Variants in NOC2L observed in about 807,000 individuals in gnomAD.
NOC2L encodes the protein nucleolar complex protein 2 homolog.
Under a neutral mutation model 94.2 loss-of-function variants are expected in NOC2L, and 101 were observed. That is an observed-to-expected ratio of 1.07 (90% CI 0.91 to 1.26). NOC2L has a LOEUF of 1.26. Ranked by LOEUF, NOC2L falls within the 50% of genes most tolerant of loss-of-function variation. NOC2L has a pLI of 0.00. For synonymous variants in NOC2L, 531 were observed against 413.4 expected (o/e 1.28, Z -3.45); for missense variants, 1,076 against 980.1 (o/e 1.10, Z -1.31).
In NOC2L at chr1:944,841, A is replaced by T. The variant is rs1253401600; in HGVS notation, c.2144-41T>A. The T allele has an allele frequency of 4.2e-6, 6 of 1,425,858 alleles. No individual in the cohort carries two copies. The East Asian group carries it at 9.3e-5, about 22-fold the overall frequency. 88.3% of individuals were successfully genotyped at this position (1,425,858 alleles called of 1,614,324 possible). A position where few individuals can be genotyped will look rare whatever the true frequency, so the allele number is the denominator to read the frequency against. On this transcript the variant is annotated intron_variant, in intron 18 of 18. Coordinates refer to ENST00000327044, the MANE Select transcript of NOC2L (RefSeq NM_015658.4). ...GAGGCTACATAAATTTTGCTTTATC[A>T]GGAAGAAGCCAGCCTTAGAGGTTAC...
rs573006470 is a variant in NOC2L, at chr1:944,859, G to A, written c.2144-59C>T. 1.8e-5 allele frequency: 24 copies of A among 1,301,424 alleles called. 1 individual carries two copies. The highest frequency in any genetic ancestry group is 1.0e-4 in the African/African-American group (7 of 67,740). The allele number at this position is 1,301,424 out of a possible 1,614,324, so 80.6% of individuals were successfully genotyped here. A position where few individuals can be genotyped will look rare whatever the true frequency, so the allele number is the denominator to read the frequency against. ...CTTTATCAGGAAGAAGCCAGCCTTA[G>A]AGGTTACTCATCACTAATTAATCAC... On this transcript the variant is annotated intron_variant, in intron 18 of 18. Coordinates refer to ENST00000327044, the MANE Select transcript of NOC2L (RefSeq NM_015658.4).
At chr1:958,863 G>A (rs570592761) in intron 2 of NOC2L, 66 bp downstream of exon 2, 26 of 1,584,474 alleles carry the variant, frequency 1.6e-5, no homozygotes, top group Non-Finnish European at 2.2e-5. Flanking sequence ...CCCAGGCGAG[G>A]TCAGCAACCC....
At chr1:946,747 C>T (rs1642128442) in intron 14 of NOC2L, 2 of 586,894 alleles carry the variant, frequency 3.4e-6, no homozygotes, top group Non-Finnish European at 3.0e-6. Context: ...CAACCCTGCC[C>T]ACTACTCACC....
Position 959,084 on chromosome 1 carries a change from G to C in NOC2L, c.27-3C>G, listed in dbSNP as rs571095207. On this transcript the variant is annotated splice_polypyrimidine_tract_variant and splice_region_variant and intron_variant, in intron 1 of 18. Transcript: ENST00000327044. ...CCACCGTCAGCTCCGCCAGGCGCCT[G>C]CGGGTCACGCAGGAGTCACAGCTGC... 1 of 1,608,954 alleles carries C rather than the reference G, an allele frequency of 6.2e-7. No individual in the cohort carries two copies. Among genetic ancestry groups the C allele is most frequent in the Non-Finnish European group, 8.5e-7 (1 of 1,177,204 alleles).
chr1:944,743 T>G lies in NOC2L; in HGVS notation c.2201A>C (p.Gln734Pro), dbSNP rs770143402. The G allele has an allele frequency of 1.9e-6, 3 of 1,599,996 alleles. No individual in the cohort carries two copies. Among genetic ancestry groups the G allele is most frequent in the South Asian group, 2.2e-5 (2 of 90,832 alleles). ...LAPGELQQLAQGPEDELEDLQ... is the reference protein window; with the variant it reads ...LAPGELQQLAPGPEDELEDLQ... ...ATCCTCCAGCTCGTCCTCCGGCCCC[T>G]GGGCCAGCTGCTGCAGCTCCCCAGG... Residue 734 changes from glutamine to proline, a missense_variant, in exon 19 of 19, where the codon CAG (glutamine) becomes CCG (proline). Coordinates refer to ENST00000327044, the MANE Select transcript of NOC2L (RefSeq NM_015658.4).
At position 953,795 on chromosome 1, in the gene NOC2L, C is replaced by A. The variant is rs143094540; in HGVS notation, c.875G>T (p.Arg292Leu). The A allele has an allele frequency of 5.6e-6, 9 of 1,611,576 alleles. No homozygotes were observed. The highest frequency in any genetic ancestry group is 1.7e-5 in the Admixed American group (1 of 60,002). The change falls in exon 8 of 19, where the codon CGC becomes CTC. Residue 292 changes from arginine (R) to leucine (L), a missense_variant. By Grantham distance (102) the Arg-to-Leu change is moderately radical. Coordinates refer to ENST00000327044, the MANE Select transcript of NOC2L (RefSeq NM_015658.4). The part of the protein sequence containing the change: ...PCFLTFPKQC[R>L]MLLKRMVIVW... Reference sequence around the variant, plus strand: ...TGGGCCACGAACCTTGAGCAGCATGCGGCACTGCTTGGGGAAGGTCAGGAA... The same window carrying A: ...TGGGCCACGAACCTTGAGCAGCATGAGGCACTGCTTGGGGAAGGTCAGGAA...
chr1:957,467 G>GC, intron 2 of NOC2L, 194 bp from the exon 3 acceptor site: 1 of 594,512 alleles, frequency 1.7e-6, no homozygotes, highest in Non-Finnish European at 3.0e-6. Context: ...CACTACACAG[G>GC]CCCCCCAGCC....
intron 17 of NOC2L, 147 bp from the exon 18 acceptor site, chr1:945,293 G>C (rs957961594): frequency 1.8e-6 from 2 of 1,112,474 alleles, no homozygotes; most frequent in African/African-American, 3.1e-5. Flanking sequence ...GGGAGGAACT[G>C]GGAGGTCACA....
intron 2 of NOC2L, 50 bp downstream of exon 2, chr1:958,879 G>A (rs750853660): frequency 2.5e-6 from 4 of 1,608,308 alleles, no homozygotes; most frequent in East Asian, 4.5e-5. Context: ...AACCCAACCG[G>A]GGTGGGACAG....
intron 8 of NOC2L, 149 bp from the exon 9 acceptor site, chr1:953,437 A>G: frequency 1.6e-6 from 1 of 627,780 alleles, no homozygotes; most frequent in Non-Finnish European, 2.9e-6. Flanking sequence ...TTAGGTGCTC[A>G]GTTACAGAAG....
chr1:954,317 G>T, intron 6 of NOC2L: 1 of 517,492 alleles, frequency 1.9e-6, no homozygotes, highest in South Asian at 3.0e-5. Flanking sequence ...TGTCTGCCCT[G>T]CCCAGGGTTG....
chr1:946,036 C>G, intron 16 of NOC2L, 137 bp downstream of exon 16: 1 of 678,390 alleles, frequency 1.5e-6, no homozygotes. Context: ...ACCCCCTCTC[C>G]AAGTCGAATC....
In NOC2L at chr1:945,094, G is replaced by C. The variant is rs371539737; in HGVS notation, c.2106C>G (p.Asp702Glu). The stretch of plus-strand genomic sequence containing the variant: ...TGCTGTCCTCCTCGCCCTCCTCCTC[G>C]TCCTCTTCATCGTCTTCCACCCCAT... Reference protein sequence around the residue: ...TRHGVEDDEEDEEEGEEDSSN... With the variant: ...TRHGVEDDEEEEEEGEEDSSN... The change falls in exon 18 of 19, where the codon GAC (aspartate) becomes GAG (glutamate). Residue 702 changes from aspartate (D) to glutamate (E), a missense_variant. Asp to Glu is a conservative substitution (Grantham distance 45). Around this residue, in one of 3 missense-constraint regions of NOC2L, gnomAD observed 615 missense variants for 577.4 expected, o/e 1.07. Transcript: ENST00000327044. The C allele has an allele frequency of 1.9e-5, 30 of 1,611,674 alleles. No individual in the cohort carries two copies. In the South Asian group the frequency reaches 2.4e-4, roughly 13 times the overall value.
chr1:949,911 C>T (rs941199089), intron 12 of NOC2L, among the ~76,000 whole-genome samples: 2 of 152,226 alleles, frequency 1.3e-5, no homozygotes, highest in South Asian at 2.1e-4. Context: ...AGCTGTGACA[C>T]GACTCTGGGC....
chr1:946,596 C>T, intron 14 of NOC2L, 51 bp from the exon 15 acceptor site: 1 of 1,588,890 alleles, frequency 6.3e-7, no homozygotes, highest in Non-Finnish European at 8.6e-7. Context: ...TCCATGTGCA[C>T]AGCTGGCCCA....
chr1:957,254 A>G lies in NOC2L; in HGVS notation c.199T>C (p.Ser67Pro). 1 of 1,613,768 alleles carries G rather than the reference A, an allele frequency of 6.2e-7. No individual in the cohort carries two copies. Among genetic ancestry groups the G allele is most frequent in the South Asian group, 1.1e-5 (1 of 91,082 alleles). Residue 67 changes from serine (S) to proline (P), a missense_variant, in exon 3 of 19, where the codon TCT becomes CCT. Physicochemically the swap from Ser to Pro is moderately conservative, Grantham distance 74 (BLOSUM62 -1). Around this residue, in one of 3 missense-constraint regions of NOC2L, gnomAD observed 457 missense variants for 386.0 expected, o/e 1.18. Coordinates refer to ENST00000327044, the MANE Select transcript of NOC2L (RefSeq NM_015658.4). ...PSASRRKGRA[S>P]EHKDQLSRLK... ...CGAGAGAGCTGGTCTTTGTGCTCAG[A>G]GGCACGGCCTTTACGCCGGCTGAGG...
In NOC2L at chr1:948,105, C is replaced by T. The variant is rs374301410; in HGVS notation, c.1659+26G>A. On this transcript the variant is annotated intron_variant, in intron 14 of 18. Coordinates refer to ENST00000327044, the MANE Select transcript of NOC2L (RefSeq NM_015658.4). The stretch of plus-strand genomic sequence containing the variant: ...GTTATAAGACAGTCTGAGTCGGCCA[C>T]GAGCCGGTGTGGGCAGGACACACAC... 1.7e-5 allele frequency: 26 copies of T among 1,542,410 alleles called. 1 individual carries two copies. The South Asian group carries it at 1.9e-4, about 11-fold the overall frequency.
chr1:945,683 TGA>T lies in NOC2L; in HGVS notation c.1918-32_1918-31del, dbSNP rs759589095. On this transcript the variant is annotated intron_variant, in intron 16 of 18. Transcript: ENST00000327044. ...AAGGCCAAAGAACCAGGGGCTCAGG[TGA>T]GAGAGGGCAGGGGCTGGCGGCCACA... 2.0e-5 allele frequency: 33 copies of T among 1,613,854 alleles called. 1 individual carries two copies. The highest frequency in any genetic ancestry group is 1.0e-4 in the Admixed American group (6 of 59,994).
chr1:951,025 CT>C, intron 12 of NOC2L, 101 bp downstream of exon 12: 1 of 882,872 alleles, frequency 1.1e-6, no homozygotes, highest in Non-Finnish European at 1.8e-6. Flanking sequence ...GCGGCCAGGG[CT>C]CCGGGAAGTC....
Sources: gnomAD v4.1 joint callset for allele counts (sites outside exome capture counted in the v4.1 genomes callset) on GRCh38, gnomAD v4.1.1 for gene constraint, gnomAD v4.1.1 regional missense constraint, MANE v1.5 for transcripts, NCBI Gene and HGNC (gene_info 2026-07-23, HGNC 2026-07-21) for gene names.